TMEM132D: variants seen among roughly 807,000 people sequenced by gnomAD.
The protein encoded by TMEM132D is mature OL transmembrane protein.
Under a neutral mutation model 62.3 loss-of-function variants are expected in TMEM132D, and 21 were observed. That is an observed-to-expected ratio of 0.34 (90% CI 0.24 to 0.49). The LOEUF is 0.49. Among genes scored for constraint, TMEM132D ranks in the 20% least tolerant of loss-of-function variants. The pLI, the probability that TMEM132D is intolerant of heterozygous loss-of-function variation, is 0.99. For missense variants in TMEM132D, 1,346 were observed against 1,402.8 expected (o/e 0.96, Z 0.65); for synonymous variants, 621 against 575.6 (o/e 1.08, Z -1.13).
intron 3 of TMEM132D, among the ~76,000 whole-genome samples, chr12:129,479,451 C>A (rs1874367638): frequency 6.6e-6 from 1 of 152,080 alleles, no homozygotes; most frequent in African/African-American, 2.4e-5. Context: ...GGCTGGCCTT[C>A]ATTGCTCTCT....
chr12:129,608,363 G>A (rs968014288), intron 2 of TMEM132D, among the ~76,000 whole-genome samples: 1 of 152,176 alleles, frequency 6.6e-6, no homozygotes, highest in Non-Finnish European at 1.5e-5. Flanking sequence ...ACTAGGACTT[G>A]TTGCTGTTTT....
Position 129,209,683 on chromosome 12 carries a change from C to G in TMEM132D, c.1300-20G>C. The G allele has an allele frequency of 1.2e-6, 2 of 1,613,648 alleles. No individual in the cohort carries two copies. The highest frequency in any genetic ancestry group is 1.7e-6 in the Non-Finnish European group (2 of 1,179,698). On this transcript the variant is annotated intron_variant, in intron 4 of 8. Transcript: ENST00000422113. Reference sequence around the variant, plus strand: ...TGCCTCCTGGAAGACCAAACACACCCTTCCATCACATCCCCTCCTGAGACG... The same window carrying G: ...TGCCTCCTGGAAGACCAAACACACCGTTCCATCACATCCCCTCCTGAGACG...
intron 2 of TMEM132D, among the ~76,000 whole-genome samples, chr12:129,632,542 G>A (rs1490704259): frequency 6.6e-6 from 1 of 152,050 alleles, no homozygotes; most frequent in Non-Finnish European, 1.5e-5. Context: ...TTTACCTCCT[G>A]TCTCCTCCTG....
At chr12:129,212,651 C>T (rs1879088862) in intron 4 of TMEM132D, 1 of 152,222 alleles carries the variant, frequency 6.6e-6, no homozygotes, top group Admixed American at 6.5e-5. Flanking sequence ...GGCACAGACT[C>T]TCTTTAGAAA....
intron 4 of TMEM132D, among the ~76,000 whole-genome samples, chr12:129,246,613 G>A (rs532677806): frequency 2.0e-5 from 3 of 152,116 alleles, no homozygotes; most frequent in African/African-American, 4.8e-5. Context: ...AAAATGAGCC[G>A]GATGTGGTGG....
At chr12:129,658,319 T>A (rs188062111) in intron 2 of TMEM132D, among the ~76,000 whole-genome samples, 9 of 152,322 alleles carry the variant, frequency 5.9e-5, no homozygotes, top group Admixed American at 3.3e-4. Context: ...TATTTCTTCT[T>A]TCATTTCTCC....
chr12:129,599,371 G>T (rs1457880653), intron 2 of TMEM132D, among the ~76,000 whole-genome samples: 2 of 152,150 alleles, frequency 1.3e-5, no homozygotes, highest in East Asian at 3.8e-4. Context: ...ATGTGATTTT[G>T]AATTACAGAG....
intron 3 of TMEM132D, among the ~76,000 whole-genome samples, chr12:129,345,575 C>T (rs1391544720): frequency 6.6e-6 from 1 of 152,106 alleles, no homozygotes; most frequent in Non-Finnish European, 1.5e-5. Context: ...TACTATACTT[C>T]AAGTGAGTGT....
At chr12:129,734,749 A>G (rs1383089158) in intron 1 of TMEM132D, among the ~76,000 whole-genome samples, 1 of 152,200 alleles carries the variant, frequency 6.6e-6, no homozygotes, top group Non-Finnish European at 1.5e-5. Flanking sequence ...AACAAAAGCA[A>G]AGGGTTAAAC....
chr12:129,719,158 G>A (rs976044663), intron 1 of TMEM132D, among the ~76,000 whole-genome samples: 1 of 151,928 alleles, frequency 6.6e-6, no homozygotes, highest in Non-Finnish European at 1.5e-5. Context: ...TACTTGGGGG[G>A]CTGAGTGGGA....
intron 2 of TMEM132D, among the ~76,000 whole-genome samples, chr12:129,600,477 T>C (rs1878456466): frequency 6.6e-6 from 1 of 152,216 alleles, no homozygotes; most frequent in Non-Finnish European, 1.5e-5. Context: ...ATGTTCTTCA[T>C]GGCATCAAGA....
At chr12:129,734,986 C>A (rs1184925375) in intron 1 of TMEM132D, among the ~76,000 whole-genome samples, 1 of 151,904 alleles carries the variant, frequency 6.6e-6, no homozygotes, top group African/African-American at 2.4e-5. Context: ...TCCCATAGTC[C>A]ATTAGATGCA....
intron 2 of TMEM132D, among the ~76,000 whole-genome samples, chr12:129,532,834 A>C (rs1484416241): frequency 6.6e-6 from 1 of 152,214 alleles, no homozygotes; most frequent in Non-Finnish European, 1.5e-5. Flanking sequence ...TCCCAGCCAT[A>C]TGCTGGAGGA....
At chr12:129,250,329 G>A (rs573015661) in intron 4 of TMEM132D, among the ~76,000 whole-genome samples, 3 of 152,274 alleles carry the variant, frequency 2.0e-5, no homozygotes, top group South Asian at 2.1e-4. Context: ...GTCCTTCAAA[G>A]TTCTCATCTG....
At chr12:129,539,474 A>G (rs1330742201) in intron 2 of TMEM132D, among the ~76,000 whole-genome samples, 2 of 142,926 alleles carry the variant, frequency 1.4e-5, no homozygotes, top group African/African-American at 5.2e-5. Context: ...GCGCGATCTC[A>G]GCTCACTGCA....
At chr12:129,713,397 T>A (rs193079456) in intron 1 of TMEM132D, among the ~76,000 whole-genome samples, 1 of 142,478 alleles carries the variant, frequency 7.0e-6, no homozygotes, top group Admixed American at 7.1e-5. Flanking sequence ...GATTTTTGGT[T>A]TTTTGTTGTT....
chr12:129,280,108 A>G (rs1593321419), intron 4 of TMEM132D, among the ~76,000 whole-genome samples: 1 of 152,234 alleles, frequency 6.6e-6, no homozygotes, highest in African/African-American at 2.4e-5. Context: ...TGTCTTCATA[A>G]AGGGAAACTA....
At chr12:129,901,049 A>C (rs188667041) in intron 1 of TMEM132D, among the ~76,000 whole-genome samples, 44 of 152,356 alleles carry the variant, frequency 2.9e-4, no homozygotes, top group African/African-American at 1.0e-3. Context: ...TTTCATTCAA[A>C]AATTCCTATT....
intron 3 of TMEM132D, among the ~76,000 whole-genome samples, chr12:129,513,848 A>ATTTAT (rs1241155328): frequency 4.8e-4 from 54 of 112,776 alleles, no homozygotes; most frequent in African/African-American, 1.8e-3. Context: ...TTATTTATTT[A>ATTTAT]TTTTTTTGAG....
Sources: gnomAD v4.1 joint callset for allele counts (sites outside exome capture counted in the v4.1 genomes callset) on GRCh38, gnomAD v4.1.1 for gene constraint, MANE v1.5 for transcripts, NCBI Gene and HGNC (gene_info 2026-07-23, HGNC 2026-07-21) for gene names.